Variants in PXDNL observed in about 807,000 individuals in gnomAD.
PXDNL encodes peroxidasin like.
A neutral mutation model predicts 150.8 loss-of-function variants in PXDNL; 145 were observed. The ratio of observed to expected loss-of-function variants is 0.96; its 90% CI spans 0.84 to 1.10. The LOEUF is 1.10. Ranked by LOEUF, PXDNL falls within the 50% of genes least tolerant of loss-of-function variation. The pLI is 0.00. For missense variants in PXDNL, 2,087 were observed against 1,873.9 expected, an observed-to-expected ratio of 1.11 and a Z score of -2.10; for synonymous variants, 757 against 725.7, an observed-to-expected ratio of 1.04 and a Z score of -0.69.
intron 19 of PXDNL, among the ~76,000 whole-genome samples, chr8:51,368,511 T>C (rs1230753768): frequency 6.6e-6 from 1 of 151,868 alleles, no homozygotes; most frequent in South Asian, 2.1e-4. Context: ...CTATTATTCG[T>C]GGGAAACAAA....
intron 1 of PXDNL, among the ~76,000 whole-genome samples, chr8:51,689,173 C>T (rs76670784): frequency 0.027 from 4,093 of 152,322 alleles, 189 homozygotes; most frequent in African/African-American, 0.093. Context: ...TGAAGCCACA[C>T]AGAGTCTTCT....
chr8:51,658,633 G>A (rs968025407), intron 1 of PXDNL, among the ~76,000 whole-genome samples: 18 of 152,076 alleles, frequency 1.2e-4, no homozygotes, highest in African/African-American at 1.2e-4. Flanking sequence ...ACCTATCGTA[G>A]GGTAAGTATA....
At chr8:51,349,545 A>G (rs1806269316) in intron 19 of PXDNL, among the ~76,000 whole-genome samples, 1 of 152,238 alleles carries the variant, frequency 6.6e-6, no homozygotes, top group Non-Finnish European at 1.5e-5. Flanking sequence ...AGAGCAGAAG[A>G]GAAGGGCCTT....
At chr8:51,688,091 C>A (rs568421045) in intron 1 of PXDNL, among the ~76,000 whole-genome samples, 2 of 152,228 alleles carry the variant, frequency 1.3e-5, no homozygotes, top group South Asian at 4.1e-4. Flanking sequence ...AAATCATTTA[C>A]CTTTGGCAAG....
chr8:51,707,575 TCTGTTTTGTTAA>T (rs1816407696), intron 1 of PXDNL, among the ~76,000 whole-genome samples: 1 of 152,212 alleles, frequency 6.6e-6, no homozygotes. Flanking sequence ...AGTATACAAT[TCTGTTTTGTTAA>T]CCGCAGATAC....
chr8:51,326,252 C>A (rs992055765), intron 21 of PXDNL, among the ~76,000 whole-genome samples: 3 of 152,166 alleles, frequency 2.0e-5, no homozygotes, highest in Non-Finnish European at 4.4e-5. Context: ...AGTCCCAGCA[C>A]TTTGGGAGGC....
At chr8:51,473,754 A>C (rs1428881804) in intron 7 of PXDNL, among the ~76,000 whole-genome samples, 1 of 152,078 alleles carries the variant, frequency 6.6e-6, no homozygotes, top group Non-Finnish European at 1.5e-5. Flanking sequence ...TTAAAAAAAA[A>C]AAAAAAAAAC....
chr8:51,678,981 G>A (rs536894409), intron 1 of PXDNL, among the ~76,000 whole-genome samples: 42 of 152,236 alleles, frequency 2.8e-4, no homozygotes, highest in Non-Finnish European at 5.7e-4. Flanking sequence ...CTAAGTTCTG[G>A]AGAAATGATG....
At chr8:51,393,656 T>C (rs79916195) in intron 17 of PXDNL, among the ~76,000 whole-genome samples, 3,752 of 152,322 alleles carry the variant, frequency 0.025, 184 homozygotes, top group African/African-American at 0.084. Flanking sequence ...TTTGCCAATG[T>C]GATTCACCAA....
intron 4 of PXDNL, among the ~76,000 whole-genome samples, chr8:51,553,756 A>G (rs1331438578): frequency 1.4e-5 from 1 of 72,790 alleles, no homozygotes; most frequent in Non-Finnish European, 2.4e-5. Flanking sequence ...ATATATATAT[A>G]TATATATATA....
rs1057033633 is a variant in PXDNL at position 51,758,396 on chromosome 8, A to G, written c.164+50785T>C. On this transcript the variant is annotated intron_variant, in intron 1 of 22. Coordinates refer to ENST00000356297, the MANE Select transcript of PXDNL (RefSeq NM_144651.5). ...TTCATAAAGAAATGCAAGGAAATAG[A>G]TGTTCAACACTACATGGAAAAAATA... 3.3e-5 allele frequency among the ~76,000 whole-genome samples: 5 copies of G among 152,214 alleles called. No individual in the cohort carries two copies. In the East Asian group the frequency reaches 9.6e-4, roughly 29 times the overall value.
intron 2 of PXDNL, among the ~76,000 whole-genome samples, chr8:51,636,904 T>A (rs534370290): frequency 8.7e-5 from 13 of 149,190 alleles, no homozygotes; most frequent in Non-Finnish European, 1.5e-4. Flanking sequence ...CTCAAGTGGG[T>A]CCCTGACCCC....
chr8:51,638,981 C>A (rs1041297023), intron 2 of PXDNL, among the ~76,000 whole-genome samples: 1 of 152,128 alleles, frequency 6.6e-6, no homozygotes, highest in African/African-American at 2.4e-5. Context: ...TGTAAAAGAA[C>A]AGAAATTACA....
At chr8:51,712,235 A>T (rs1816517839) in intron 1 of PXDNL, among the ~76,000 whole-genome samples, 1 of 152,082 alleles carries the variant, frequency 6.6e-6, no homozygotes, top group Admixed American at 6.5e-5. Context: ...GGGAACTCAG[A>T]TAAAACAAAT....
At chr8:51,806,808 C>A (rs1235596076) in intron 1 of PXDNL, among the ~76,000 whole-genome samples, 3 of 152,280 alleles carry the variant, frequency 2.0e-5, no homozygotes, top group Non-Finnish European at 2.9e-5. Context: ...TAACTGGCTG[C>A]CCCATTAGCA....
At chr8:51,648,251 G>T (rs190939855) in intron 2 of PXDNL, among the ~76,000 whole-genome samples, 11 of 152,282 alleles carry the variant, frequency 7.2e-5, no homozygotes, top group Non-Finnish European at 1.6e-4. Flanking sequence ...CCTGGAATCT[G>T]TAAATTTTAT....
intron 1 of PXDNL, among the ~76,000 whole-genome samples, chr8:51,769,997 C>T (rs1261423358): frequency 6.6e-6 from 1 of 152,168 alleles, no homozygotes; most frequent in East Asian, 1.9e-4. Flanking sequence ...CATGGTAATG[C>T]TATTTTGTGA....
At chr8:51,644,104 C>T (rs1038068732) in intron 2 of PXDNL, among the ~76,000 whole-genome samples, 1 of 151,094 alleles carries the variant, frequency 6.6e-6, no homozygotes, top group African/African-American at 2.4e-5. Context: ...CGAGATCATG[C>T]CACTGAACTC....
intron 20 of PXDNL, among the ~76,000 whole-genome samples, chr8:51,345,410 C>A (rs1289419587): frequency 6.6e-6 from 1 of 152,166 alleles, no homozygotes. Flanking sequence ...ATCTTGGTCA[C>A]AAATCAAGCC....
Sources: allele counts gnomAD v4.1 joint callset (sites outside exome capture counted in the v4.1 genomes callset), GRCh38; gene constraint gnomAD v4.1.1; transcripts MANE v1.5; gene names NCBI Gene and HGNC (gene_info 2026-07-23, HGNC 2026-07-21).